Variants in RPTOR observed in about 807,000 individuals in gnomAD.
RPTOR encodes the protein regulatory associated protein of MTOR complex 1, also known as regulatory-associated protein of mTOR.
A neutral mutation model predicts 169.9 loss-of-function variants in RPTOR; 21 were observed. That is an observed-to-expected ratio of 0.12 (90% CI 0.09 to 0.18). RPTOR has a LOEUF of 0.18. RPTOR is among the 10% of genes least tolerant of loss of function. The pLI, the probability that RPTOR is intolerant of heterozygous loss-of-function variation, is 1.00. For missense variants in RPTOR, 1,133 were observed against 1,855.9 expected, an observed-to-expected ratio of 0.61 and a Z score of 7.16; for synonymous variants, 732 against 753.2, an observed-to-expected ratio of 0.97 and a Z score of 0.46.
At chr17:80,775,549 C>G (rs1567905544) in intron 6 of RPTOR, among the ~76,000 whole-genome samples, 1 of 152,224 alleles carries the variant, frequency 6.6e-6, no homozygotes, top group African/African-American at 2.4e-5. Flanking sequence ...TGGTTTCCCA[C>G]TGATGATCAA....
chr17:80,923,728 T>G, intron 23 of RPTOR, 55 bp downstream of exon 23: 2 of 1,473,208 alleles, frequency 1.4e-6, no homozygotes, highest in Non-Finnish European at 1.8e-6. Context: ...GCTTCTCAGA[T>G]GGGGGCTCAT....
In RPTOR at chr17:80,547,691, C is replaced by A. The variant is rs2084293779; in HGVS notation, c.162+1900C>A. Among the ~76,000 whole-genome samples the A allele has an allele frequency of 2.0e-5, 3 of 152,168 alleles. No homozygotes were observed. In the South Asian group the frequency reaches 6.2e-4, roughly 32 times the overall value. ...GTCAGGTCCTTTGGAATCTTGTCAT[C>A]TCTTCCCTCAAGGACCGTATCACAC... On this transcript the variant is annotated intron_variant, in intron 1 of 33. Transcript: ENST00000306801.
At chr17:80,581,707 G>A (rs2143363873) in intron 1 of RPTOR, among the ~76,000 whole-genome samples, 1 of 152,108 alleles carries the variant, frequency 6.6e-6, no homozygotes, top group African/African-American at 2.4e-5. Flanking sequence ...ATTCTCTGCA[G>A]TGGAGACTGC....
intron 26 of RPTOR, among the ~76,000 whole-genome samples, chr17:80,946,232 G>A (rs1215194860): frequency 6.6e-6 from 1 of 152,192 alleles, no homozygotes; most frequent in Non-Finnish European, 1.5e-5. Flanking sequence ...CATGGGGGAG[G>A]GCAGTGGGAG....
In RPTOR at chr17:80,674,289, G is replaced by GT. The variant is rs202231829; in HGVS notation, c.348+30487dup. 2.8e-3 allele frequency among the ~76,000 whole-genome samples: 424 copies of GT among 152,150 alleles called. 3 individuals are homozygous for GT. Among genetic ancestry groups the GT allele is most frequent in the African/African-American group, 9.5e-3 (393 of 41,522 alleles). ...AAATGTTTTTTGAAGTACGTGCATA[G>GT]TTTTTTTTCTTGAACATGAAAACCC... On this transcript the variant is annotated intron_variant, in intron 3 of 33. Coordinates refer to ENST00000306801, the MANE Select transcript of RPTOR (RefSeq NM_020761.3).
chr17:80,940,255 C>G (rs1487430316), intron 24 of RPTOR, among the ~76,000 whole-genome samples: 2 of 152,286 alleles, frequency 1.3e-5, no homozygotes, highest in Non-Finnish European at 2.9e-5. Context: ...TTTAAAAATA[C>G]GGCATAGCAG....
chr17:80,700,725 T>C (rs1336302113), intron 3 of RPTOR, among the ~76,000 whole-genome samples: 3 of 101,362 alleles, frequency 3.0e-5, no homozygotes, highest in Non-Finnish European at 4.3e-5. Flanking sequence ...GTGGTGGTGG[T>C]GGTGATGATG....
intron 1 of RPTOR, among the ~76,000 whole-genome samples, chr17:80,603,368 G>A (rs12946618): frequency 0.19 from 28,162 of 152,194 alleles, 2,954 homozygotes; most frequent in East Asian, 0.27. Context: ...TACTAAGTGC[G>A]AACACGCATT....
chr17:80,914,908 A>G (rs2068654743), intron 21 of RPTOR, among the ~76,000 whole-genome samples: 1 of 152,234 alleles, frequency 6.6e-6, no homozygotes, highest in South Asian at 2.1e-4. Context: ...GGCTGGGCTG[A>G]TGGACCAGAA....
intron 20 of RPTOR, among the ~76,000 whole-genome samples, chr17:80,894,275 C>T (rs1395538010): frequency 6.6e-6 from 1 of 152,168 alleles, no homozygotes; most frequent in Non-Finnish European, 1.5e-5. Flanking sequence ...TGCTCCTTGT[C>T]CCAGTGGGTG....
chr17:80,658,097 C>G (rs1406393859), intron 3 of RPTOR, among the ~76,000 whole-genome samples: 2 of 152,192 alleles, frequency 1.3e-5, no homozygotes, highest in Non-Finnish European at 2.9e-5. Flanking sequence ...TACCCACCCC[C>G]CTTTACTTTG....
At chr17:80,579,488 G>A (rs963285638) in intron 1 of RPTOR, among the ~76,000 whole-genome samples, 1 of 152,108 alleles carries the variant, frequency 6.6e-6, no homozygotes, top group African/African-American at 2.4e-5. Flanking sequence ...CACCATGCCC[G>A]GCCCTTCCTG....
At chr17:80,627,666 C>T (rs1441091149) in intron 2 of RPTOR, among the ~76,000 whole-genome samples, 1 of 152,082 alleles carries the variant, frequency 6.6e-6, no homozygotes, top group Non-Finnish European at 1.5e-5. Flanking sequence ...TTTTATGGCT[C>T]CCTCACAATT....
intron 21 of RPTOR, among the ~76,000 whole-genome samples, chr17:80,918,122 C>T (rs975634038): frequency 6.6e-6 from 1 of 152,212 alleles, no homozygotes; most frequent in Non-Finnish European, 1.5e-5. Context: ...GCTTGTCATG[C>T]ACATGCTCAT....
Position 80,569,973 on chromosome 17 carries a change from A to C in RPTOR, c.162+24182A>C, listed in dbSNP as rs369047665. On this transcript the variant is annotated intron_variant, in intron 1 of 33. Transcript: ENST00000306801. Reference sequence around the variant, plus strand: ...CCTGGCCTCCTGGAGTCTCACCAGCAGCACGCCCTGCCTTGCCTTCAGGCA... The same window carrying C: ...CCTGGCCTCCTGGAGTCTCACCAGCCGCACGCCCTGCCTTGCCTTCAGGCA... Among the ~76,000 whole-genome samples, 84 of 152,186 alleles carry C rather than the reference A, an allele frequency of 5.5e-4. 1 individual carries two copies. In the East Asian group the frequency reaches 9.3e-3, roughly 17 times the overall value.
At chr17:80,773,661 T>G (rs7211454) in intron 6 of RPTOR, among the ~76,000 whole-genome samples, 41,430 of 152,120 alleles carry the variant, frequency 0.27, 5,807 homozygotes, top group African/African-American at 0.33. Context: ...AGCCTTGTTC[T>G]GAGCTGGCTG....
At position 80,667,068 on chromosome 17, in the gene RPTOR, G is replaced by T. The variant is rs180756852; in HGVS notation, c.348+23258G>T. The stretch of plus-strand genomic sequence containing the variant: ...GGCCTGGATTTTCCCAATAACCCCG[G>T]GAGGAAGGCGTTCCCGTCTCCACGT... On this transcript the variant is annotated intron_variant, in intron 3 of 33. Transcript: ENST00000306801. Among the ~76,000 whole-genome samples the T allele has an allele frequency of 9.9e-5, 15 of 152,242 alleles. No homozygotes were observed. The East Asian group carries it at 2.7e-3, about 27-fold the overall frequency.
intron 24 of RPTOR, among the ~76,000 whole-genome samples, chr17:80,939,214 A>G (rs777939369): frequency 2.0e-5 from 3 of 152,218 alleles, no homozygotes; most frequent in Non-Finnish European, 4.4e-5. Flanking sequence ...TGTATGCTTA[A>G]GGAAATGCAT....
chr17:80,817,738 GC>G (rs745441817), intron 7 of RPTOR, among the ~76,000 whole-genome samples: 2 of 152,198 alleles, frequency 1.3e-5, no homozygotes, highest in Non-Finnish European at 2.9e-5. Flanking sequence ...TGGAGACACA[GC>G]AGCTCTTGTT....
Sources: allele counts gnomAD v4.1 joint callset (sites outside exome capture counted in the v4.1 genomes callset), GRCh38; gene constraint gnomAD v4.1.1; transcripts MANE v1.5; gene names NCBI Gene and HGNC (gene_info 2026-07-23, HGNC 2026-07-21).